The following ABHD12 variants were observed in gnomAD, a reference collection of about 807,000 sequenced individuals.
ABHD12 encodes the protein abhydrolase domain containing 12, lysophospholipase.
ABHD12 carries 43 observed loss-of-function variants against 58.3 expected under a neutral mutation model. The observed-to-expected ratio is 0.74, with a 90% CI of 0.58 to 0.95. The LOEUF (loss-of-function observed/expected upper bound fraction) is 0.95, where lower values mean the gene tolerates loss of function less well. Among genes scored for constraint, ABHD12 ranks in the 40% least tolerant of loss-of-function variants. The pLI, the probability that ABHD12 is intolerant of heterozygous loss-of-function variation, is 0.00. For synonymous variants in ABHD12, 219 were observed against 211.2 expected, an observed-to-expected ratio of 1.04 and a Z score of -0.32; for missense variants, 539 against 537.2, an observed-to-expected ratio of 1.00 and a Z score of -0.03.
At chr20:25,379,784 A>G (rs1331382525) in intron 1 of ABHD12, among the ~76,000 whole-genome samples, 1 of 151,906 alleles carries the variant, frequency 6.6e-6, no homozygotes, top group Non-Finnish European at 1.5e-5. Flanking sequence ...ACCAGAGTGC[A>G]GTGGCTTGAT....
intron 1 of ABHD12, among the ~76,000 whole-genome samples, chr20:25,341,803 AT>A (rs1245775136): frequency 6.6e-6 from 1 of 152,150 alleles, no homozygotes; most frequent in African/African-American, 2.4e-5. Flanking sequence ...TCAGGACGTT[AT>A]CCTGAGAGAA....
intron 1 of ABHD12, chr20:25,390,280 C>G (rs985127164): frequency 2.4e-6 from 1 of 414,100 alleles, no homozygotes; most frequent in African/African-American, 2.1e-5. Context: ...CGGAGCAGGA[C>G]ACAGGGGGTC....
At chr20:25,356,003 G>A (rs1383020017) in intron 1 of ABHD12, among the ~76,000 whole-genome samples, 2 of 152,226 alleles carry the variant, frequency 1.3e-5, no homozygotes, top group South Asian at 4.1e-4. Context: ...GACAGACACA[G>A]AGTCCTTTCC....
At chr20:25,332,990 AC>A (rs1277446071) in intron 2 of ABHD12, among the ~76,000 whole-genome samples, 1 of 58,226 alleles carries the variant, frequency 1.7e-5, no homozygotes, top group African/African-American at 6.6e-5. Context: ...GACACAAACA[AC>A]CCTTCAAAAA....
rs866217041 is a variant in ABHD12 at position 25,334,918 on chromosome 20, C to A, written c.316+4309G>T. Among the ~76,000 whole-genome samples, 787 of 151,606 alleles carry A rather than the reference C, an allele frequency of 5.2e-3. 2 individuals carry two copies. The highest frequency in any genetic ancestry group is 0.017 in the Middle Eastern group (5 of 292). On this transcript the variant is annotated intron_variant, in intron 2 of 12. Coordinates refer to ENST00000339157, the MANE Select transcript of ABHD12 (RefSeq NM_001042472.3). ...GGGCAAGGACTTCATGTCTAAAACA[C>A]CAAAAGCAATGGCAACAAAAGCCAA...
chr20:25,309,658 G>T (rs1439537651), intron 6 of ABHD12, 83 bp from the exon 7 acceptor site: 2 of 1,591,230 alleles, frequency 1.3e-6, no homozygotes, highest in Non-Finnish European at 1.7e-6. Context: ...GGGGGCCCAG[G>T]GCCAGGAGGA....
At chr20:25,304,271 G>A (rs1322225643) in intron 10 of ABHD12, among the ~76,000 whole-genome samples, 1 of 152,208 alleles carries the variant, frequency 6.6e-6, no homozygotes, top group Non-Finnish European at 1.5e-5. Flanking sequence ...GGGAGCCCCC[G>A]CCCTGTCTGT....
intron 1 of ABHD12, among the ~76,000 whole-genome samples, chr20:25,387,046 C>T (rs1417978734): frequency 6.6e-6 from 1 of 152,130 alleles, no homozygotes; most frequent in Admixed American, 6.5e-5. Context: ...CAGATGTACA[C>T]TGGCATTTGA....
intron 1 of ABHD12, among the ~76,000 whole-genome samples, chr20:25,387,266 G>A (rs918240435): frequency 1.3e-5 from 2 of 152,024 alleles, no homozygotes; most frequent in Admixed American, 6.6e-5. Flanking sequence ...AATGCAATCA[G>A]AAAAGAAAAA....
intron 2 of ABHD12, among the ~76,000 whole-genome samples, chr20:25,326,747 AAC>A (rs905165789): frequency 4.4e-3 from 143 of 32,498 alleles, no homozygotes; most frequent in African/African-American, 0.017. Context: ...TTCAAAAAAA[AAC>A]AACAACAACA....
chr20:25,303,929 G>A (rs1247246616), intron 10 of ABHD12, among the ~76,000 whole-genome samples: 4 of 152,198 alleles, frequency 2.6e-5, no homozygotes, highest in Non-Finnish European at 5.9e-5. Context: ...ATTCAGGTGG[G>A]CCAAGAAACT....
chr20:25,301,804 T>A (rs1485138759), intron 12 of ABHD12, among the ~76,000 whole-genome samples: 1 of 152,216 alleles, frequency 6.6e-6, no homozygotes, highest in Non-Finnish European at 1.5e-5. Context: ...TGCAGGGCAG[T>A]CAGGAGCACC....
chr20:25,345,331 C>T (rs1323794945), intron 1 of ABHD12, among the ~76,000 whole-genome samples: 2 of 152,152 alleles, frequency 1.3e-5, no homozygotes, highest in Non-Finnish European at 2.9e-5. Context: ...ATGATCCGCC[C>T]ACCTCAGCCT....
chr20:25,346,476 G>A (rs575564951), intron 1 of ABHD12, among the ~76,000 whole-genome samples: 1 of 152,246 alleles, frequency 6.6e-6, no homozygotes, highest in East Asian at 1.9e-4. Context: ...TGGATTTGGG[G>A]TGATGATGTG....
intron 1 of ABHD12, among the ~76,000 whole-genome samples, chr20:25,362,830 AC>A (rs1380193029): frequency 1.3e-5 from 2 of 151,044 alleles, no homozygotes; most frequent in East Asian, 2.0e-4. Context: ...GTGCACCACC[AC>A]CCCCGGCTAA....
chr20:25,322,385 T>A (rs868268070), intron 3 of ABHD12, among the ~76,000 whole-genome samples: 960 of 45,284 alleles, frequency 0.021, 84 homozygotes, highest in Middle Eastern at 0.024. Flanking sequence ...ATATATATTT[T>A]TTTTTTTTTT....
intron 3 of ABHD12, among the ~76,000 whole-genome samples, 174 bp downstream of exon 3, chr20:25,323,151 G>A (rs1337924271): frequency 6.6e-6 from 1 of 152,234 alleles, no homozygotes; most frequent in Non-Finnish European, 1.5e-5. Context: ...TAAAGCCATT[G>A]AATCCCTCAA....
intron 2 of ABHD12, among the ~76,000 whole-genome samples, chr20:25,332,320 C>T (rs1375110856): frequency 0.011 from 1,648 of 151,916 alleles, 27 homozygotes; most frequent in African/African-American, 0.035. Context: ...TCCTGAGTGA[C>T]CTACAAAGAG....
intron 10 of ABHD12, among the ~76,000 whole-genome samples, chr20:25,304,779 G>A (rs2088704124): frequency 6.6e-6 from 1 of 152,014 alleles, no homozygotes; most frequent in Admixed American, 6.6e-5. Flanking sequence ...ATATTGGCCA[G>A]GATGGTCTCA....
Sources: allele counts gnomAD v4.1 joint callset (sites outside exome capture counted in the v4.1 genomes callset), GRCh38; gene constraint gnomAD v4.1.1; transcripts MANE v1.5; gene names NCBI Gene and HGNC (gene_info 2026-07-23, HGNC 2026-07-21).